LINGO2: variants seen among roughly 807,000 people sequenced by gnomAD.
LINGO2 encodes leucine-rich repeat and immunoglobulin-like domain-containing nogo receptor-interacting protein 2.
Under a neutral mutation model 30.6 loss-of-function variants are expected in LINGO2, and 14 were observed. The ratio of observed to expected loss-of-function variants is 0.46; its 90% CI spans 0.30 to 0.72. The LOEUF (loss-of-function observed/expected upper bound fraction) is 0.72, where lower values mean the gene tolerates loss of function less well. Among genes scored for constraint, LINGO2 ranks in the 30% least tolerant of loss-of-function variants. The pLI is 0.07. For synonymous variants in LINGO2, 317 were observed against 288.5 expected (o/e 1.10, Z -1.00); for missense variants, 729 against 751.7 (o/e 0.97, Z 0.35).
At chr9:28,288,576 GTGTGAACTACT>G (rs1297768729) in intron 4 of LINGO2, among the ~76,000 whole-genome samples, 1 of 152,056 alleles carries the variant, frequency 6.6e-6, no homozygotes, top group Non-Finnish European at 1.5e-5. Flanking sequence ...TCTTTGGTAG[GTGTGAACTACT>G]TGAGGACAGG....
At chr9:28,797,347 TATATATATATATAGAG>T in the LINGO2 span, among the ~76,000 whole-genome samples, 10 of 68,250 alleles carry the variant, frequency 1.5e-4, no homozygotes, top group African/African-American at 4.9e-4. Flanking sequence ...TATATATATA[TATATATATATATAGAG>T]AGAGAGAGAG....
the LINGO2 span, among the ~76,000 whole-genome samples, chr9:28,680,090 T>C: frequency 6.6e-6 from 1 of 152,052 alleles, no homozygotes; most frequent in Non-Finnish European, 1.5e-5. Context: ...TAATTTCTCC[T>C]ACCTAACTGA....
chr9:28,794,097 A>G, the LINGO2 span, among the ~76,000 whole-genome samples: 1 of 152,112 alleles, frequency 6.6e-6, no homozygotes, highest in African/African-American at 2.4e-5. Context: ...CGAGGTCAAG[A>G]GATAGAGACC....
chr9:28,430,723 GT>G (rs994884999), intron 2 of LINGO2, among the ~76,000 whole-genome samples: 4 of 152,042 alleles, frequency 2.6e-5, no homozygotes, highest in Non-Finnish European at 4.4e-5. Flanking sequence ...CTAAAACTGG[GT>G]AGCTTAAAAC....
intron 1 of LINGO2, among the ~76,000 whole-genome samples, chr9:28,545,703 G>C (rs563032604): frequency 4.1e-4 from 63 of 152,090 alleles, no homozygotes; most frequent in African/African-American, 1.5e-3. Flanking sequence ...CTGGGTATTT[G>C]TATTTTATTA....
the LINGO2 span, among the ~76,000 whole-genome samples, chr9:28,995,261 A>C: frequency 2.6e-5 from 4 of 152,356 alleles, no homozygotes; most frequent in African/African-American, 9.6e-5. Context: ...CAAAAAACAC[A>C]TGAAAAAATG....
At chr9:28,845,949 C>T in the LINGO2 span, among the ~76,000 whole-genome samples, 10 of 151,302 alleles carry the variant, frequency 6.6e-5, no homozygotes, top group Non-Finnish European at 8.8e-5. Flanking sequence ...GTACAATATC[C>T]CTCTAATGAC....
At chr9:28,750,735 G>A in the LINGO2 span, among the ~76,000 whole-genome samples, 15 of 152,030 alleles carry the variant, frequency 9.9e-5, no homozygotes, top group Middle Eastern at 3.4e-3. Flanking sequence ...TCATTTTACC[G>A]CATATAACTC....
At chr9:28,393,409 T>C (rs1821914731) in intron 2 of LINGO2, among the ~76,000 whole-genome samples, 1 of 152,140 alleles carries the variant, frequency 6.6e-6, no homozygotes. Flanking sequence ...TGAAAGAGAG[T>C]TATTAAGCTG....
chr9:28,478,889 T>A (rs1214441375), intron 1 of LINGO2, among the ~76,000 whole-genome samples: 1 of 152,092 alleles, frequency 6.6e-6, no homozygotes, highest in East Asian at 1.9e-4. Context: ...ATTTTGTAAT[T>A]GACCAATATT....
At chr9:28,252,278 T>G (rs188163128) in intron 4 of LINGO2, among the ~76,000 whole-genome samples, 1 of 152,228 alleles carries the variant, frequency 6.6e-6, no homozygotes, top group East Asian at 1.9e-4. Context: ...TAGGCTGGAG[T>G]GCAGTGGTGT....
At chr9:28,224,041 A>G (rs1821058384) in intron 4 of LINGO2, among the ~76,000 whole-genome samples, 1 of 152,184 alleles carries the variant, frequency 6.6e-6, no homozygotes, top group Non-Finnish European at 1.5e-5. Flanking sequence ...AAACTGTACA[A>G]TCAGACTATA....
At chr9:28,752,727 T>C in the LINGO2 span, among the ~76,000 whole-genome samples, 1 of 151,988 alleles carries the variant, frequency 6.6e-6, no homozygotes, top group East Asian at 1.9e-4. Flanking sequence ...CAACTCTGCA[T>C]AGATCTTAAC....
chr9:28,374,204 TTTTATTTATA>T (rs753037642), intron 2 of LINGO2, among the ~76,000 whole-genome samples: 4 of 87,454 alleles, frequency 4.6e-5, no homozygotes, highest in South Asian at 7.2e-4. Flanking sequence ...AAAAATATGT[TTTTATTTATA>T]TATATATATA....
intron 4 of LINGO2, among the ~76,000 whole-genome samples, chr9:28,031,503 G>C (rs1263780743): frequency 2.0e-5 from 3 of 152,044 alleles, no homozygotes; most frequent in African/African-American, 7.2e-5. Flanking sequence ...AAAAGCTGAT[G>C]GATTTTGATG....
the LINGO2 span, among the ~76,000 whole-genome samples, chr9:29,119,119 C>T: frequency 1.3e-5 from 2 of 152,048 alleles, no homozygotes; most frequent in African/African-American, 4.8e-5. Context: ...TGGAGGCAAT[C>T]CTGCCCATGC....
chr9:28,358,904 G>A (rs1820333515), intron 3 of LINGO2, among the ~76,000 whole-genome samples: 1 of 152,096 alleles, frequency 6.6e-6, no homozygotes, highest in South Asian at 2.1e-4. Flanking sequence ...GTCTTGTAAA[G>A]GTTGAATCCA....
chr9:27,960,414 A>C (rs970094715), intron 5 of LINGO2, among the ~76,000 whole-genome samples: 1 of 152,166 alleles, frequency 6.6e-6, no homozygotes, highest in African/African-American at 2.4e-5. Flanking sequence ...TAAACAGACA[A>C]TATTTGCTTT....
chr9:28,269,456 T>C (rs1310811093), intron 4 of LINGO2, among the ~76,000 whole-genome samples: 1 of 152,174 alleles, frequency 6.6e-6, no homozygotes, highest in East Asian at 1.9e-4. Flanking sequence ...TTCACTTAAA[T>C]GTCACATTAT....
Sources: allele counts gnomAD v4.1 joint callset (sites outside exome capture counted in the v4.1 genomes callset), GRCh38; gene constraint gnomAD v4.1.1; transcripts MANE v1.5; gene names NCBI Gene and HGNC (gene_info 2026-07-23, HGNC 2026-07-21).